Variants in AOAH observed in about 807,000 individuals in gnomAD.
The protein encoded by AOAH is acyloxyacyl hydrolase (neutrophil).
Under a neutral mutation model 92.2 loss-of-function variants are expected in AOAH, and 64 were observed. The ratio of observed to expected loss-of-function variants is 0.69; its 90% CI spans 0.57 to 0.86. AOAH has a LOEUF of 0.86. AOAH is among the 40% of genes least tolerant of loss of function. AOAH has a pLI of 0.00. For missense variants in AOAH, 656 were observed against 694.6 expected, an observed-to-expected ratio of 0.94 and a Z score of 0.62; for synonymous variants, 263 against 254.5, an observed-to-expected ratio of 1.03 and a Z score of -0.32.
rs947919574 is a variant in AOAH, at chr7:36,513,358, T to C, written c.1622A>G (p.Asp541Gly). The C allele has an allele frequency of 6.2e-7, 1 of 1,613,960 alleles. No homozygotes were observed. Among genetic ancestry groups the C allele is most frequent in the Non-Finnish European group, 8.5e-7 (1 of 1,180,006 alleles). The change falls in exon 21 of 21, where the codon GAT becomes GGT. Residue 541 changes from aspartate to glycine, a missense_variant. Physicochemically the swap from Asp to Gly is moderately conservative, Grantham distance 94. Coordinates refer to ENST00000617537, the MANE Select transcript of AOAH (RefSeq NM_001637.4). ...PNEVALLLLADHFWKKVQLQW... is the reference protein window; with the variant it reads ...PNEVALLLLAGHFWKKVQLQW... Reference sequence around the variant, plus strand: ...GAGCTGCACCTTTTTCCAGAAATGATCCGCCAACAACAGCAAAGCCACCTG... The same window carrying C: ...GAGCTGCACCTTTTTCCAGAAATGACCCGCCAACAACAGCAAAGCCACCTG...
At position 36,532,091 on chromosome 7, in the gene AOAH, C is replaced by T. The variant is rs117303607; in HGVS notation, c.1425+56G>A. ...CCCATCCCCAGTGAAAACTCTGCAG[C>T]AAACACAGGGAAAGAATGATCAAAG... On this transcript the variant is annotated intron_variant, in intron 18 of 20. Transcript: ENST00000617537. The T allele has an allele frequency of 6.4e-3, 10,174 of 1,598,484 alleles. 93 individuals carry two copies. The highest frequency in any genetic ancestry group is 0.051 in the Middle Eastern group (307 of 6,012).
chr7:36,571,764 A>G (rs75562570), intron 13 of AOAH, among the ~76,000 whole-genome samples: 13,740 of 152,220 alleles, frequency 0.09, 730 homozygotes, highest in Admixed American at 0.14. Flanking sequence ...CTGGGTATCC[A>G]ACCCTAGAGC....
chr7:36,671,520 C>T (rs950590342), intron 3 of AOAH, among the ~76,000 whole-genome samples: 6 of 152,156 alleles, frequency 3.9e-5, no homozygotes, highest in African/African-American at 1.2e-4. Context: ...TGCCATGCTA[C>T]GGGCTTGCAC....
chr7:36,667,246 A>G (rs1795600696), intron 3 of AOAH, among the ~76,000 whole-genome samples: 1 of 152,206 alleles, frequency 6.6e-6, no homozygotes, highest in African/African-American at 2.4e-5. Flanking sequence ...CAGTAGTGTG[A>G]TGAAATCTTG....
At chr7:36,689,839 G>A (rs1797274991) in intron 1 of AOAH, among the ~76,000 whole-genome samples, 1 of 152,188 alleles carries the variant, frequency 6.6e-6, no homozygotes, top group African/African-American at 2.4e-5. Flanking sequence ...GACTTGATGA[G>A]ATGCAAGAAT....
intron 3 of AOAH, among the ~76,000 whole-genome samples, chr7:36,669,377 CTTT>C (rs33911092): frequency 1.6e-5 from 2 of 125,506 alleles, no homozygotes; most frequent in Non-Finnish European, 1.6e-5. Flanking sequence ...CCCCCCCCAC[CTTT>C]TTTTTTTTTT....
At position 36,517,214 on chromosome 7, in the gene AOAH, C is replaced by CTTT. The variant is rs59205788; in HGVS notation, c.1600-3835_1600-3834insAAA. Among the ~76,000 whole-genome samples, 105 of 104,892 alleles carry CTTT rather than the reference C, an allele frequency of 1.0e-3. 1 individual carries two copies. Among genetic ancestry groups the CTTT allele is most frequent in the African/African-American group, 3.8e-3 (95 of 25,162 alleles). The allele number at this position is 104,892 out of a possible 152,430, so 68.8% of individuals were successfully genotyped here. A position where few individuals can be genotyped will look rare whatever the true frequency, so the allele number is the denominator to read the frequency against. Reference sequence around the variant, plus strand: ...TCTTTCTTTCTTTCTTTCTTTCTTTCTCTTTCTTTCTGTCTCTCTCTCTCT... The same window carrying CTTT: ...TCTTTCTTTCTTTCTTTCTTTCTTTCTTTTCTTTCTTTCTGTCTCTCTCTCTCT... On this transcript the variant is annotated intron_variant, in intron 20 of 20. Transcript: ENST00000617537.
intron 1 of AOAH, among the ~76,000 whole-genome samples, chr7:36,718,623 A>G (rs1723135955): frequency 6.6e-6 from 1 of 152,244 alleles, no homozygotes; most frequent in African/African-American, 2.4e-5. Context: ...ATTCAGCTGT[A>G]AGAAGAAACA....
chr7:36,688,233 G>C (rs1212107635), intron 1 of AOAH, among the ~76,000 whole-genome samples: 3 of 151,922 alleles, frequency 2.0e-5, no homozygotes, highest in Non-Finnish European at 4.4e-5. Context: ...ATATATATTT[G>C]TTTTATTTAA....
chr7:36,684,520 T>A (rs1049885787), intron 2 of AOAH, among the ~76,000 whole-genome samples: 1 of 152,144 alleles, frequency 6.6e-6, no homozygotes, highest in African/African-American at 2.4e-5. Context: ...GTCCATTATA[T>A]GTCAATTAAT....
Position 36,616,434 on chromosome 7 carries a change from A to T in AOAH, c.792T>A (p.Ala264=), listed in dbSNP as rs1431162858. 6.2e-7 allele frequency: 1 copy of T among 1,614,178 alleles called. No individual in the cohort carries two copies. The highest frequency in any genetic ancestry group is 2.2e-5 in the East Asian group (1 of 44,882). ...CAGGAGAGATGTGAAAATGAGCCCC[A>T]GCTGAGTCTCCCAGCAAAATGATTC... ...PRGIILLGDS[A]GAHFHISPEW... Residue 264 remains alanine (A), a synonymous_variant, in exon 11 of 21, where the codon GCT becomes GCA. Coordinates refer to ENST00000617537, the MANE Select transcript of AOAH (RefSeq NM_001637.4).
At chr7:36,678,518 A>T (rs2116696029) in intron 2 of AOAH, among the ~76,000 whole-genome samples, 1 of 150,792 alleles carries the variant, frequency 6.6e-6, no homozygotes, top group Non-Finnish European at 1.5e-5. Context: ...TGAAAGGCAG[A>T]GAAAATTCAT....
intron 10 of AOAH, among the ~76,000 whole-genome samples, chr7:36,617,941 G>C (rs1222158119): frequency 6.6e-6 from 1 of 152,210 alleles, no homozygotes; most frequent in Non-Finnish European, 1.5e-5. Flanking sequence ...AGTGTAATTA[G>C]AGGAAAATGC....
At chr7:36,556,461 C>A (rs1366826443) in intron 13 of AOAH, among the ~76,000 whole-genome samples, 1 of 152,064 alleles carries the variant, frequency 6.6e-6, no homozygotes, top group Non-Finnish European at 1.5e-5. Context: ...GTATATTCTG[C>A]TGATTTGGGG....
chr7:36,534,950 GTGTGTATC>G (rs1373620734), intron 16 of AOAH, among the ~76,000 whole-genome samples: 1 of 11,334 alleles, frequency 8.8e-5, no homozygotes, highest in Admixed American at 1.2e-3. Context: ...CTGTGTCTGT[GTGTGTATC>G]TGTGTCTGTG....
intron 1 of AOAH, among the ~76,000 whole-genome samples, chr7:36,718,427 G>T (rs556152628): frequency 6.6e-6 from 1 of 152,078 alleles, no homozygotes; most frequent in Non-Finnish European, 1.5e-5. Context: ...TGGTATTACC[G>T]CATGCCCTAG....
At chr7:36,520,332 T>C (rs1784045398) in intron 20 of AOAH, among the ~76,000 whole-genome samples, 1 of 152,244 alleles carries the variant, frequency 6.6e-6, no homozygotes, top group African/African-American at 2.4e-5. Flanking sequence ...CATCTTTTCA[T>C]ATACCCATTG....
At chr7:36,607,264 G>T (rs548535105) in intron 11 of AOAH, among the ~76,000 whole-genome samples, 42 of 152,320 alleles carry the variant, frequency 2.8e-4, no homozygotes, top group African/African-American at 1.0e-3. Flanking sequence ...AGGCAGAAGG[G>T]CCCATTATGA....
At chr7:36,683,999 GAA>G (rs1012839342) in intron 2 of AOAH, among the ~76,000 whole-genome samples, 4 of 139,118 alleles carry the variant, frequency 2.9e-5, no homozygotes, top group Admixed American at 2.1e-4. Context: ...GTCTCAAAAA[GAA>G]AAAAAAAAAG....
Sources: allele counts gnomAD v4.1 joint callset (sites outside exome capture counted in the v4.1 genomes callset), GRCh38; gene constraint gnomAD v4.1.1; transcripts MANE v1.5; gene names NCBI Gene and HGNC (gene_info 2026-07-23, HGNC 2026-07-21).